The following DCC variants were observed in gnomAD, a reference collection of about 807,000 sequenced individuals.
DCC encodes netrin receptor DCC.
DCC carries 58 observed loss-of-function variants against 172.5 expected under a neutral mutation model. The observed-to-expected ratio is 0.34, with a 90% CI of 0.27 to 0.42. DCC has a LOEUF of 0.42. Among genes scored for constraint, DCC ranks in the 10% least tolerant of loss-of-function variants. The probability of loss-of-function intolerance (pLI) is 1.00; values close to 1 mark genes in which losing one functional copy is unlikely to be tolerated. For synonymous variants in DCC, 709 were observed against 644.5 expected (o/e 1.10, Z -1.52); for missense variants, 1,740 against 1,791.0 (o/e 0.97, Z 0.51).
intron 25 of DCC, among the ~76,000 whole-genome samples, chr18:53,482,518 GTT>G (rs1481803148): frequency 6.6e-6 from 1 of 151,996 alleles, no homozygotes; most frequent in Non-Finnish European, 1.5e-5. Context: ...TTGCAAAATT[GTT>G]TTATGTTTCT....
chr18:52,814,951 G>A (rs1253673819), intron 2 of DCC, among the ~76,000 whole-genome samples: 3 of 152,126 alleles, frequency 2.0e-5, no homozygotes, highest in Non-Finnish European at 4.4e-5. Flanking sequence ...TTGCTTGAAA[G>A]ACAATGGGTC....
intron 1 of DCC, among the ~76,000 whole-genome samples, chr18:52,590,175 G>A (rs1241709714): frequency 6.6e-6 from 1 of 151,682 alleles, no homozygotes; most frequent in Non-Finnish European, 1.5e-5. Context: ...GTGTGTGTGT[G>A]TGTGTGTATG....
chr18:53,156,635 C>T (rs2054740038), intron 7 of DCC, among the ~76,000 whole-genome samples: 1 of 152,096 alleles, frequency 6.6e-6, no homozygotes, highest in Admixed American at 6.6e-5. Context: ...GTAATAACTG[C>T]CCCCAACCTT....
At chr18:53,183,846 A>T (rs1043490068) in intron 9 of DCC, among the ~76,000 whole-genome samples, 1 of 152,022 alleles carries the variant, frequency 6.6e-6, no homozygotes, top group South Asian at 2.1e-4. Flanking sequence ...GTCTCTGAAC[A>T]TTACTACCTG....
intron 21 of DCC, among the ~76,000 whole-genome samples, chr18:53,432,156 AT>A (rs914586451): frequency 8.5e-5 from 13 of 152,188 alleles, no homozygotes; most frequent in African/African-American, 3.1e-4. Flanking sequence ...ATTAAAAAGC[AT>A]TTTTAATTAA....
intron 2 of DCC, among the ~76,000 whole-genome samples, chr18:52,803,970 G>A (rs2145232660): frequency 6.6e-6 from 1 of 152,252 alleles, no homozygotes; most frequent in African/African-American, 2.4e-5. Flanking sequence ...CCAGTCCTTG[G>A]GCACCAGCAT....
chr18:53,180,639 T>A (rs1485417241), intron 9 of DCC, among the ~76,000 whole-genome samples: 1 of 152,202 alleles, frequency 6.6e-6, no homozygotes, highest in Non-Finnish European at 1.5e-5. Flanking sequence ...CTCTTCATAA[T>A]GTCTATATTA....
intron 12 of DCC, among the ~76,000 whole-genome samples, chr18:53,241,915 T>A (rs774009974): frequency 2.0e-5 from 3 of 152,134 alleles, no homozygotes; most frequent in Non-Finnish European, 4.4e-5. Context: ...AGATCTCCAG[T>A]AATAGTATTC....
At chr18:52,883,206 A>G (rs2145407912) in intron 2 of DCC, among the ~76,000 whole-genome samples, 1 of 152,252 alleles carries the variant, frequency 6.6e-6, no homozygotes, top group South Asian at 2.1e-4. Context: ...TAATCTATTA[A>G]GACATTCTAT....
At chr18:52,678,408 A>G (rs554211163) in intron 1 of DCC, among the ~76,000 whole-genome samples, 1 of 152,134 alleles carries the variant, frequency 6.6e-6, no homozygotes, top group East Asian at 1.9e-4. Context: ...GCGTTCATTC[A>G]TTTTGCCATT....
chr18:52,818,450 AGAT>A (rs1274514586), intron 2 of DCC, among the ~76,000 whole-genome samples: 6 of 151,738 alleles, frequency 4.0e-5, no homozygotes, highest in South Asian at 2.1e-4. Flanking sequence ...TTTAAAAAGA[AGAT>A]GAAAAGCATA....
chr18:53,303,015 T>C (rs916049682), intron 12 of DCC, among the ~76,000 whole-genome samples: 6 of 152,204 alleles, frequency 3.9e-5, no homozygotes, highest in Non-Finnish European at 8.8e-5. Context: ...TATTCCAGTT[T>C]TGTAAAGTTT....
At chr18:53,405,538 C>T (rs1909606465) in intron 19 of DCC, among the ~76,000 whole-genome samples, 1 of 152,160 alleles carries the variant, frequency 6.6e-6, no homozygotes, top group Non-Finnish European at 1.5e-5. Flanking sequence ...GAAATCCATT[C>T]TAGGGTGAGG....
intron 15 of DCC, among the ~76,000 whole-genome samples, chr18:53,381,233 T>TA (rs1385795729): frequency 1.3e-5 from 2 of 152,220 alleles, no homozygotes; most frequent in East Asian, 1.9e-4. Context: ...TTTTCTTTTT[T>TA]AAAAAAGAAA....
chr18:52,407,799 GT>G lies in DCC; in HGVS notation c.91+66927del, dbSNP rs538956566. Reference sequence around the variant, plus strand: ...TACATTCTCTATTTCTAAGCTAGCAGTTTTTTCTGTGTACAGCTTCCCTCTC... The same window carrying G: ...TACATTCTCTATTTCTAAGCTAGCAGTTTTTCTGTGTACAGCTTCCCTCTC... On this transcript the variant is annotated intron_variant, in intron 1 of 28. Transcript: ENST00000442544. Among the ~76,000 whole-genome samples, 489 of 152,096 alleles carry G rather than the reference GT, an allele frequency of 3.2e-3. 4 individuals carry two copies. The highest frequency in any genetic ancestry group is 7.6e-3 in the Admixed American group (116 of 15,264).
chr18:52,651,514 T>G (rs1305626381), intron 1 of DCC, among the ~76,000 whole-genome samples: 7 of 149,518 alleles, frequency 4.7e-5, no homozygotes, highest in Admixed American at 4.1e-4. Flanking sequence ...TTTTTTTTTT[T>G]GCAGATGAGT....
chr18:52,747,164 G>A (rs762071750), intron 1 of DCC, among the ~76,000 whole-genome samples: 17 of 152,144 alleles, frequency 1.1e-4, no homozygotes, highest in Non-Finnish European at 1.9e-4. Context: ...CATTTTTATG[G>A]TGAACTCTGA....
intron 1 of DCC, among the ~76,000 whole-genome samples, chr18:52,532,351 T>C (rs2032174887): frequency 6.6e-6 from 1 of 152,174 alleles, no homozygotes; most frequent in Non-Finnish European, 1.5e-5. Flanking sequence ...TTTTAATTTG[T>C]GCAAGCTGGA....
chr18:52,789,729 A>T (rs1266575089), intron 2 of DCC, among the ~76,000 whole-genome samples: 1 of 152,100 alleles, frequency 6.6e-6, no homozygotes, highest in African/African-American at 2.4e-5. Context: ...AGTAAAGGAG[A>T]TCTGACCCAA....
Sources: allele counts gnomAD v4.1 joint callset (sites outside exome capture counted in the v4.1 genomes callset), GRCh38; gene constraint gnomAD v4.1.1; transcripts MANE v1.5; gene names NCBI Gene and HGNC (gene_info 2026-07-23, HGNC 2026-07-21).